Variants in GPR83 observed in about 807,000 individuals in gnomAD.
GPR83 encodes G-protein coupled receptor 72.
A neutral mutation model predicts 28.0 loss-of-function variants in GPR83; 23 were observed. The observed-to-expected ratio is 0.82, with a 90% CI of 0.59 to 1.16. The LOEUF (loss-of-function observed/expected upper bound fraction) is 1.16. GPR83 is among the 50% of genes most tolerant of loss of function. The probability of loss-of-function intolerance (pLI) is 0.00; values close to 1 mark genes in which losing one functional copy is unlikely to be tolerated. For missense variants in GPR83, 610 were observed against 536.6 expected, an observed-to-expected ratio of 1.14 and a Z score of -1.35; for synonymous variants, 234 against 215.4, an observed-to-expected ratio of 1.09 and a Z score of -0.76.
At chr11:94,387,298 G>A (rs1253309437) in intron 3 of GPR83, among the ~76,000 whole-genome samples, 1 of 152,146 alleles carries the variant, frequency 6.6e-6, no homozygotes, top group Non-Finnish European at 1.5e-5. Context: ...ACATTCAAAA[G>A]CTAGCAGAAG....
chr11:94,378,396 C>A lies in GPR83; in HGVS notation c.*1753G>T, dbSNP rs1030623749. The stretch of plus-strand genomic sequence containing the variant: ...GAGTTTATCTGGTGCTAGAAGAAAA[C>A]CTAAAAGCAGTGTGTCAGTAACAAT... On this transcript the variant is annotated 3_prime_UTR_variant, in exon 4 of 4. Coordinates refer to ENST00000243673, the MANE Select transcript of GPR83 (RefSeq NM_016540.4). 2.0e-5 allele frequency: 3 copies of A among 152,160 alleles called. No homozygotes were observed. In the South Asian group the frequency reaches 6.2e-4, roughly 31 times the overall value. 9.4% of individuals were successfully genotyped at this position (152,160 alleles called of 1,614,324 possible).
intron 3 of GPR83, among the ~76,000 whole-genome samples, chr11:94,383,479 A>T (rs1391360495): frequency 1.3e-5 from 2 of 152,150 alleles, no homozygotes; most frequent in African/African-American, 4.8e-5. Flanking sequence ...AAGAAATAAC[A>T]AAGATCAGAG....
chr11:94,395,082 A>G (rs1207578083), intron 2 of GPR83, among the ~76,000 whole-genome samples: 1 of 152,256 alleles, frequency 6.6e-6, no homozygotes, highest in Non-Finnish European at 1.5e-5. Flanking sequence ...ATTGATTCTT[A>G]CAAAATTCTG....
At chr11:94,397,746 T>C (rs1465666084) in intron 1 of GPR83, among the ~76,000 whole-genome samples, 1 of 152,206 alleles carries the variant, frequency 6.6e-6, no homozygotes, top group Non-Finnish European at 1.5e-5. Context: ...ACATTTGAAC[T>C]GAAGAGGGAT....
At chr11:94,393,857 C>T (rs944103663) in intron 2 of GPR83, among the ~76,000 whole-genome samples, 9 of 152,150 alleles carry the variant, frequency 5.9e-5, no homozygotes, top group African/African-American at 2.2e-4. Flanking sequence ...GCACGGCTCA[C>T]TTGTCACATA....
In GPR83 at chr11:94,379,384, A is replaced by AG; in HGVS notation, c.*764_*765insC. The AG allele has an allele frequency of 6.6e-6, 1 of 151,632 alleles. No individual in the cohort carries two copies. The highest frequency in any genetic ancestry group is 2.4e-5 in the African/African-American group (1 of 41,352). 9.4% of individuals were successfully genotyped at this position (151,632 alleles called of 1,614,324 possible). The stretch of plus-strand genomic sequence containing the variant: ...AGATTCCATCTCAAAAAAAAAAAAA[A>AG]AAAGAAAAAAAAAAGGTCATGCACA... On this transcript the variant is annotated 3_prime_UTR_variant, in exon 4 of 4. Transcript: ENST00000243673.
In GPR83 at chr11:94,377,543, G is replaced by A. The variant is rs946483844; in HGVS notation, c.*2606C>T. On this transcript the variant is annotated 3_prime_UTR_variant, in exon 4 of 4. Transcript: ENST00000243673. Reference sequence around the variant, plus strand: ...GGGACTTGGCAGTACTGAAGGTCCCGGACTAACAATGATTCAACTTAGGAT... The same window carrying A: ...GGGACTTGGCAGTACTGAAGGTCCCAGACTAACAATGATTCAACTTAGGAT... The A allele has an allele frequency of 4.6e-5, 7 of 152,008 alleles. No individual in the cohort carries two copies. The highest frequency in any genetic ancestry group is 2.0e-4 in the East Asian group (1 of 5,114). The allele number at this position is 152,008 out of a possible 1,614,324, so 9.4% of individuals were successfully genotyped here. A position where few individuals can be genotyped will look rare whatever the true frequency, so the allele number is the denominator to read the frequency against.
At chr11:94,397,988 A>T (rs1255834762) in intron 1 of GPR83, among the ~76,000 whole-genome samples, 1 of 152,146 alleles carries the variant, frequency 6.6e-6, no homozygotes, top group Non-Finnish European at 1.5e-5. Context: ...TAGAGCTAGA[A>T]ATCTTCAGCT....
At position 94,396,794 on chromosome 11, in the gene GPR83, T is replaced by G. The variant is rs1944871092; in HGVS notation, c.388-270A>C. 2.0e-5 allele frequency among the ~76,000 whole-genome samples: 3 copies of G among 151,006 alleles called. No individual in the cohort carries two copies. In the South Asian group the frequency reaches 6.3e-4, roughly 32 times the overall value. ...AGGATGTGTGCTATGGAGTTGGACT[T>G]CCCACCTCTAATAGTTTCTTACTGT... On this transcript the variant is annotated intron_variant, in intron 1 of 3. Coordinates refer to ENST00000243673, the MANE Select transcript of GPR83 (RefSeq NM_016540.4).
At chr11:94,396,880 A>AG (rs1944871810) in intron 1 of GPR83, among the ~76,000 whole-genome samples, 1 of 151,956 alleles carries the variant, frequency 6.6e-6, no homozygotes, top group Admixed American at 6.6e-5. Context: ...AAAAAAAAAA[A>AG]AAAGCCCTAA....
intron 3 of GPR83, among the ~76,000 whole-genome samples, chr11:94,386,647 C>A (rs150943751): frequency 0.016 from 2,488 of 152,270 alleles, 66 homozygotes; most frequent in African/African-American, 0.055. Context: ...TATATATGCA[C>A]CCAATACAGG....
intron 1 of GPR83, among the ~76,000 whole-genome samples, chr11:94,400,610 G>C (rs1180131607): frequency 2.6e-5 from 4 of 151,702 alleles, no homozygotes; most frequent in Non-Finnish European, 4.4e-5. Flanking sequence ...ACTTCAGAGA[G>C]AGAGACAGAG....
rs770065005 is a variant in GPR83, at chr11:94,393,486, T to A, written c.646A>T (p.Ser216Cys). The A allele has an allele frequency of 3.1e-6, 5 of 1,613,968 alleles. No homozygotes were observed. Among genetic ancestry groups the A allele is most frequent in the Non-Finnish European group, 4.2e-6 (5 of 1,179,900 alleles). ...ICQKLFTFKYSEDIVRSLCLP... is the reference protein window; with the variant it reads ...ICQKLFTFKYCEDIVRSLCLP... The stretch of plus-strand genomic sequence containing the variant: ...CAGATCCCAACGAATTCATCTCACC[T>A]GTATTTGAAGGTAAATAATTTCTGG... The change falls in exon 3 of 4, where the codon AGT (serine) becomes TGT (cysteine). Residue 216 changes from serine (S) to cysteine (C), a missense_variant and splice_region_variant. Coordinates refer to ENST00000243673, the MANE Select transcript of GPR83 (RefSeq NM_016540.4).
In GPR83 at chr11:94,401,160, C is replaced by G; in HGVS notation, c.88G>C (p.Glu30Gln). 6.2e-7 allele frequency: 1 copy of G among 1,614,128 alleles called. No individual in the cohort carries two copies. The highest frequency in any genetic ancestry group is 8.5e-7 in the Non-Finnish European group (1 of 1,180,006). ...HEGRADEQSA[E>Q]AALAVPNASH... Reference sequence around the variant, plus strand: ...GCATTGGGCACGGCCAGGGCCGCCTCCGCGCTCTGCTCGTCGGCCCGGCCC... The same window carrying G: ...GCATTGGGCACGGCCAGGGCCGCCTGCGCGCTCTGCTCGTCGGCCCGGCCC... Residue 30 changes from glutamate (E) to glutamine (Q), a missense_variant, in exon 1 of 4, where the codon GAG (glutamate) becomes CAG (glutamine). Transcript: ENST00000243673.
chr11:94,396,088 C>T (rs1331886961), intron 2 of GPR83, among the ~76,000 whole-genome samples: 4 of 152,120 alleles, frequency 2.6e-5, no homozygotes, highest in Non-Finnish European at 4.4e-5. Context: ...GGCGTGGTGG[C>T]GAGCACCTGT....
chr11:94,391,491 G>GC (rs1267403011), intron 3 of GPR83, among the ~76,000 whole-genome samples: 1 of 152,138 alleles, frequency 6.6e-6, no homozygotes, highest in Non-Finnish European at 1.5e-5. Flanking sequence ...AAACTAAAGA[G>GC]CTTCTACACA....
intron 3 of GPR83, among the ~76,000 whole-genome samples, chr11:94,383,083 G>A (rs886507045): frequency 2.6e-5 from 4 of 151,796 alleles, no homozygotes; most frequent in African/African-American, 9.7e-5. Flanking sequence ...GAGGAGAGGT[G>A]GAGCTTGCAG....
At chr11:94,396,883 A>C (rs1294217997) in intron 1 of GPR83, among the ~76,000 whole-genome samples, 2 of 151,596 alleles carry the variant, frequency 1.3e-5, no homozygotes, top group Non-Finnish European at 2.9e-5. Flanking sequence ...AAAAAAAAAA[A>C]GCCCTAAAAA....
intron 3 of GPR83, among the ~76,000 whole-genome samples, chr11:94,387,390 C>G (rs931651520): frequency 2.0e-5 from 3 of 152,112 alleles, no homozygotes; most frequent in Non-Finnish European, 4.4e-5. Context: ...AATCCAGGAG[C>G]TGGTTTTTTG....
Sources: gnomAD v4.1 joint callset for allele counts (sites outside exome capture counted in the v4.1 genomes callset) on GRCh38, gnomAD v4.1.1 for gene constraint, MANE v1.5 for transcripts, NCBI Gene and HGNC (gene_info 2026-07-23, HGNC 2026-07-21) for gene names.